ADIPOR2: variants seen among roughly 807,000 people sequenced by gnomAD.
The protein encoded by ADIPOR2 is adiponectin receptor protein 2.
A neutral mutation model predicts 40.9 loss-of-function variants in ADIPOR2; 18 were observed. The ratio of observed to expected loss-of-function variants is 0.44; its 90% CI spans 0.30 to 0.65. The LOEUF (loss-of-function observed/expected upper bound fraction) is 0.65, where lower values mean the gene tolerates loss of function less well. ADIPOR2 is among the 30% of genes least tolerant of loss of function. The pLI is 0.09. For missense variants in ADIPOR2, 283 were observed against 479.2 expected (o/e 0.59, Z 3.82); for synonymous variants, 165 against 166.4 (o/e 0.99, Z 0.06).
chr12:1,748,868 T>C (rs1211651216), intron 1 of ADIPOR2, among the ~76,000 whole-genome samples: 1 of 151,488 alleles, frequency 6.6e-6, no homozygotes. Context: ...GCAGCCTGAG[T>C]GTCCTCTAAT....
intron 1 of ADIPOR2, among the ~76,000 whole-genome samples, chr12:1,721,250 C>CTGTCATCCA (rs1212972817): frequency 9.3e-6 from 1 of 107,138 alleles, no homozygotes; most frequent in Non-Finnish European, 1.7e-5. Context: ...TGGAGTCTCA[C>CTGTCATCCA]TGTCATCCAG....
intron 1 of ADIPOR2, among the ~76,000 whole-genome samples, chr12:1,700,539 G>T (rs1049270567): frequency 3.3e-5 from 5 of 152,112 alleles, no homozygotes; most frequent in Non-Finnish European, 5.9e-5. Flanking sequence ...GTAAAAAGAA[G>T]AAATCAGGGA....
intron 1 of ADIPOR2, among the ~76,000 whole-genome samples, chr12:1,723,172 A>G (rs2094701057): frequency 6.6e-6 from 1 of 152,214 alleles, no homozygotes; most frequent in South Asian, 2.1e-4. Context: ...GCAGATTGTT[A>G]AAGACATAGA....
At chr12:1,705,639 C>T (rs533853772) in intron 1 of ADIPOR2, among the ~76,000 whole-genome samples, 2 of 152,152 alleles carry the variant, frequency 1.3e-5, no homozygotes, top group South Asian at 4.1e-4. Context: ...ATTCCAAATC[C>T]AAAACACTTC....
At chr12:1,772,727 C>G (rs1862513413) in intron 2 of ADIPOR2, 115 bp from the exon 3 acceptor site, 1 of 1,307,462 alleles carries the variant, frequency 7.6e-7, no homozygotes. Flanking sequence ...TGATTCTTGT[C>G]TAAGGCCTTG....
At chr12:1,712,989 A>G (rs899595386) in intron 1 of ADIPOR2, among the ~76,000 whole-genome samples, 1 of 152,068 alleles carries the variant, frequency 6.6e-6, no homozygotes, top group Admixed American at 6.5e-5. Flanking sequence ...AGGCTTCCGA[A>G]CTGGCAGCCA....
At chr12:1,760,147 T>G (rs552442377) in intron 2 of ADIPOR2, among the ~76,000 whole-genome samples, 59 of 152,312 alleles carry the variant, frequency 3.9e-4, no homozygotes, top group African/African-American at 1.4e-3. Context: ...ATTTATTTAT[T>G]TTAAATAAGT....
intron 1 of ADIPOR2, among the ~76,000 whole-genome samples, chr12:1,749,571 ATGTG>A (rs1288942010): frequency 6.6e-6 from 1 of 152,158 alleles, no homozygotes; most frequent in Non-Finnish European, 1.5e-5. Flanking sequence ...CTGTTACTCT[ATGTG>A]TGTATTCTTT....
At chr12:1,758,268 C>G (rs945336599) in intron 2 of ADIPOR2, among the ~76,000 whole-genome samples, 2 of 152,194 alleles carry the variant, frequency 1.3e-5, no homozygotes, top group Non-Finnish European at 2.9e-5. Flanking sequence ...GAAAGCCTCT[C>G]TTTGATTTTC....
At chr12:1,762,020 C>G (rs150789903) in intron 2 of ADIPOR2, among the ~76,000 whole-genome samples, 3 of 152,318 alleles carry the variant, frequency 2.0e-5, no homozygotes, top group African/African-American at 4.8e-5. Context: ...TCAGGACATT[C>G]TTCTCCATGT....
At chr12:1,708,147 G>A (rs937253190) in intron 1 of ADIPOR2, among the ~76,000 whole-genome samples, 2 of 148,864 alleles carry the variant, frequency 1.3e-5, no homozygotes, top group African/African-American at 4.9e-5. Context: ...TCTAGAGATT[G>A]ATTTAAAGTA....
intron 1 of ADIPOR2, among the ~76,000 whole-genome samples, chr12:1,722,214 TTGAATCAACAGGAC>T (rs2094699295): frequency 6.6e-6 from 1 of 152,194 alleles, no homozygotes; most frequent in Non-Finnish European, 1.5e-5. Flanking sequence ...GTTTTGAAGA[TTGAATCAACAGGAC>T]TTGCTGACTG....
rs1862878275 is a variant in ADIPOR2, at chr12:1,788,225, C to T, written c.*2153C>T. The T allele has an allele frequency of 6.5e-6, 1 of 152,680 alleles. No homozygotes were observed. The allele number at this position is 152,680 out of a possible 1,614,324, so 9.5% of individuals were successfully genotyped here. A position where few individuals can be genotyped will look rare whatever the true frequency, so the allele number is the denominator to read the frequency against. ...CCCTTAGGAAAAATGAAATTAACAT[C>T]ACTGATGTGTAATCCAGTAAAATCT... On this transcript the variant is annotated 3_prime_UTR_variant, in exon 8 of 8. Transcript: ENST00000357103.
intron 1 of ADIPOR2, among the ~76,000 whole-genome samples, chr12:1,706,705 A>G (rs544314790): frequency 6.6e-6 from 1 of 152,292 alleles, no homozygotes; most frequent in East Asian, 1.9e-4. Flanking sequence ...ACCCTAATCA[A>G]GGTAATGGAA....
intron 2 of ADIPOR2, among the ~76,000 whole-genome samples, chr12:1,760,516 T>C (rs747675354): frequency 6.6e-6 from 1 of 152,228 alleles, no homozygotes; most frequent in Non-Finnish European, 1.5e-5. Flanking sequence ...ACCTCTAGTC[T>C]ACTTTCTGTC....
At chr12:1,722,465 T>C (rs115727862) in intron 1 of ADIPOR2, among the ~76,000 whole-genome samples, 57 of 152,294 alleles carry the variant, frequency 3.7e-4, no homozygotes, top group African/African-American at 1.1e-3. Flanking sequence ...GGGATAAATA[T>C]TTAGGAGTAA....
chr12:1,700,676 C>G (rs2094648289), intron 1 of ADIPOR2, among the ~76,000 whole-genome samples: 1 of 151,784 alleles, frequency 6.6e-6, no homozygotes, highest in Admixed American at 6.6e-5. Flanking sequence ...TAGCACTAAA[C>G]TAAAAGGAGG....
At chr12:1,718,147 A>C (rs1253404692) in intron 1 of ADIPOR2, among the ~76,000 whole-genome samples, 1 of 152,140 alleles carries the variant, frequency 6.6e-6, no homozygotes, top group Non-Finnish European at 1.5e-5. Flanking sequence ...TGAATGATAA[A>C]ATGTAGGCTT....
chr12:1,741,132 G>A (rs1467778208), intron 1 of ADIPOR2, among the ~76,000 whole-genome samples: 1 of 152,170 alleles, frequency 6.6e-6, no homozygotes, highest in Non-Finnish European at 1.5e-5. Context: ...GGCCTTGTGG[G>A]AATTATGGTA....
Sources: gnomAD v4.1 joint callset for allele counts (sites outside exome capture counted in the v4.1 genomes callset) on GRCh38, gnomAD v4.1.1 for gene constraint, MANE v1.5 for transcripts, NCBI Gene and HGNC (gene_info 2026-07-23, HGNC 2026-07-21) for gene names.